The following TTC39B variants were observed in gnomAD, a reference collection of about 807,000 sequenced individuals.
TTC39B encodes tetratricopeptide repeat domain 39B, also known as tetratricopeptide repeat protein 39B.
A neutral mutation model predicts 96.6 loss-of-function variants in TTC39B; 92 were observed. The ratio of observed to expected loss-of-function variants is 0.95; its 90% CI spans 0.80 to 1.13. TTC39B has a LOEUF of 1.13. Among genes scored for constraint, TTC39B ranks in the 50% most tolerant of loss-of-function variants. TTC39B has a pLI of 0.00. For synonymous variants in TTC39B, 367 were observed against 299.4 expected, an observed-to-expected ratio of 1.23 and a Z score of -2.33; for missense variants, 955 against 809.3, an observed-to-expected ratio of 1.18 and a Z score of -2.18.
chr9:15,300,014 A>T (rs1324855643), intron 1 of TTC39B, among the ~76,000 whole-genome samples: 1 of 152,212 alleles, frequency 6.6e-6, no homozygotes, highest in Non-Finnish European at 1.5e-5. Context: ...ACATTTCAGG[A>T]GAATGTCTGT....
chr9:15,239,127 A>C (rs965007360), intron 2 of TTC39B, among the ~76,000 whole-genome samples: 4 of 152,252 alleles, frequency 2.6e-5, no homozygotes, highest in Non-Finnish European at 5.9e-5. Context: ...TCTTAAATAA[A>C]ATAATACAAG....
chr9:15,205,024 G>A (rs1819765006), intron 6 of TTC39B, among the ~76,000 whole-genome samples: 1 of 152,184 alleles, frequency 6.6e-6, no homozygotes, highest in African/African-American at 2.4e-5. Flanking sequence ...AACGAGCCTG[G>A]GGTATTTAGG....
At chr9:15,204,356 C>G (rs191510695) in intron 6 of TTC39B, among the ~76,000 whole-genome samples, 2 of 152,022 alleles carry the variant, frequency 1.3e-5, no homozygotes, top group East Asian at 3.9e-4. Context: ...GGCAGAAACC[C>G]CATCTCTACT....
At chr9:15,175,478 A>T (rs1817884002) in intron 18 of TTC39B, among the ~76,000 whole-genome samples, 1 of 152,178 alleles carries the variant, frequency 6.6e-6, no homozygotes, top group South Asian at 2.1e-4. Context: ...TTTAGAAATA[A>T]GAAAGTTGTA....
At chr9:15,219,496 G>C (rs562125173) in intron 3 of TTC39B, among the ~76,000 whole-genome samples, 1 of 152,182 alleles carries the variant, frequency 6.6e-6, no homozygotes, top group African/African-American at 2.4e-5. Context: ...ATAAATAAAA[G>C]TCTACAAAAC....
In TTC39B at chr9:15,199,858, T is replaced by C. The variant is rs1819428525; in HGVS notation, c.824+3A>G. 6.7e-7 allele frequency: 1 copy of C among 1,489,544 alleles called. No homozygotes were observed. Among genetic ancestry groups the C allele is most frequent in the African/African-American group, 1.4e-5 (1 of 71,904 alleles). The allele number at this position is 1,489,544 out of a possible 1,614,324, so 92.3% of individuals were successfully genotyped here. ...ACAAACCACATCTTACTTTTTAACT[T>C]ACTTATATATTTGGTAACTTGTTCT... On this transcript the variant is annotated splice_donor_region_variant and intron_variant, in intron 8 of 19. Coordinates refer to ENST00000512701, the Ensembl canonical transcript of TTC39B.
intron 2 of TTC39B, among the ~76,000 whole-genome samples, chr9:15,232,896 C>T (rs1230734105): frequency 6.6e-6 from 1 of 152,166 alleles, no homozygotes; most frequent in Non-Finnish European, 1.5e-5. Context: ...TGCTGCAGGG[C>T]CAGTGGTGCC....
exon 20 of TTC39B, chr9:15,171,982 T>C (rs762225436): frequency 6.0e-6 from 9 of 1,490,582 alleles, no homozygotes; most frequent in African/African-American, 5.5e-5. Flanking sequence ...CAGATGCCGA[T>C]GCTAATTGAG....
At position 15,253,787 on chromosome 9, in the gene TTC39B, C is replaced by CT. The variant is rs567803539; in HGVS notation, c.275+14126dup. ...TGTCATAACAATCAAAACTATCACT[C>CT]TTTTTTCCTATTGGTGCCATGTTTG... On this transcript the variant is annotated intron_variant, in intron 2 of 19. Coordinates refer to ENST00000512701, the Ensembl canonical transcript of TTC39B. 1.5e-4 allele frequency among the ~76,000 whole-genome samples: 23 copies of CT among 152,212 alleles called. No individual in the cohort carries two copies. In the East Asian group the frequency reaches 4.1e-3, roughly 27 times the overall value.
chr9:15,214,164 C>T (rs1307282492), exon 4 of TTC39B: 2 of 1,613,834 alleles, frequency 1.2e-6, no homozygotes, highest in Non-Finnish European at 8.5e-7. Context: ...TCTAAGGCGT[C>T]TGTAAATTTG....
chr9:15,291,242 T>G (rs563189581), intron 1 of TTC39B, among the ~76,000 whole-genome samples: 1 of 152,314 alleles, frequency 6.6e-6, no homozygotes, highest in African/African-American at 2.4e-5. Context: ...TCCCATGCGC[T>G]GTGGGAGGGA....
intron 1 of TTC39B, among the ~76,000 whole-genome samples, chr9:15,284,468 C>T (rs1407220647): frequency 1.3e-5 from 2 of 152,032 alleles, no homozygotes; most frequent in Admixed American, 6.6e-5. Context: ...AGAATTAGAC[C>T]CAAATGATCT....
chr9:15,270,623 A>AT (rs1490035688), intron 1 of TTC39B, among the ~76,000 whole-genome samples: 8 of 152,010 alleles, frequency 5.3e-5, no homozygotes, highest in Non-Finnish European at 8.8e-5. Flanking sequence ...AAGAAAAAAA[A>AT]AAAAAAGAAT....
chr9:15,249,570 G>A, intron 2 of TTC39B: 1 of 156,026 alleles, frequency 6.4e-6, no homozygotes, highest in Admixed American at 6.5e-5. Context: ...TCTGCAGCAG[G>A]AGTCTCAGCC....
chr9:15,213,902 A>AAGAGAGATTT (rs1440173940), intron 4 of TTC39B, among the ~76,000 whole-genome samples: 2 of 152,224 alleles, frequency 1.3e-5, no homozygotes, highest in African/African-American at 4.8e-5. Context: ...ATAAGATGAC[A>AAGAGAGATTT]ATATCTGAAC....
chr9:15,198,463 T>A lies in TTC39B; in HGVS notation c.824+1398A>T, dbSNP rs199795546. Among the ~76,000 whole-genome samples the A allele has an allele frequency of 5.0e-3, 186 of 37,400 alleles. 2 individuals are homozygous for A. The highest frequency in any genetic ancestry group is 0.043 in the Middle Eastern group (3 of 70). 24.5% of individuals were successfully genotyped at this position (37,400 alleles called of 152,430 possible). A position where few individuals can be genotyped will look rare whatever the true frequency, so the allele number is the denominator to read the frequency against. The stretch of plus-strand genomic sequence containing the variant: ...CAAAGCAAGGTCTCGGTCGCAAAAA[T>A]ATATATATATATATATATATATATC... On this transcript the variant is annotated intron_variant, in intron 8 of 19. Transcript: ENST00000512701.
intron 1 of TTC39B, among the ~76,000 whole-genome samples, chr9:15,300,851 T>C (rs3955160): frequency 0.39 from 52,451 of 133,942 alleles, 10,060 homozygotes; most frequent in African/African-American, 0.53. Context: ...GAGATCCCAC[T>C]ACTTCACTCC....
chr9:15,174,004 A>G (rs1269575703), intron 19 of TTC39B, among the ~76,000 whole-genome samples: 2 of 152,198 alleles, frequency 1.3e-5, no homozygotes, highest in East Asian at 3.9e-4. Context: ...AATGCTCCCT[A>G]CCTAGTTGGT....
chr9:15,257,038 G>A (rs182201595), intron 2 of TTC39B, among the ~76,000 whole-genome samples: 9 of 152,206 alleles, frequency 5.9e-5, no homozygotes, highest in East Asian at 1.9e-4. Flanking sequence ...TGAGACAGTC[G>A]GAGAAATTTG....
Sources: gnomAD v4.1 joint callset for allele counts (sites outside exome capture counted in the v4.1 genomes callset) on GRCh38, gnomAD v4.1.1 for gene constraint, MANE v1.5 for transcripts, NCBI Gene and HGNC (gene_info 2026-07-23, HGNC 2026-07-21) for gene names.